Variants in WDR72 observed in about 807,000 individuals in gnomAD.
WDR72 encodes WD repeat domain 72, also known as WD repeat-containing protein 72.
In WDR72, 120 loss-of-function variants were observed where a neutral mutation model predicts 124.2. The ratio of observed to expected loss-of-function variants is 0.97; its 90% confidence interval spans 0.83 to 1.12. The LOEUF (loss-of-function observed/expected upper bound fraction) is 1.12, where lower values mean the gene tolerates loss of function less well. Among genes scored for constraint, WDR72 ranks in the 50% most tolerant of loss-of-function variants. The pLI, the probability that WDR72 is intolerant of heterozygous loss-of-function variation, is 0.00. For synonymous variants in WDR72, 452 were observed against 441.7 expected, an observed-to-expected ratio of 1.02 and a Z score of -0.29; for missense variants, 1,387 against 1,278.8, an observed-to-expected ratio of 1.08 and a Z score of -1.29.
chr15:53,668,803 G>A (rs1333317138), intron 13 of WDR72, among the ~76,000 whole-genome samples: 1 of 29,238 alleles, frequency 3.4e-5, no homozygotes, highest in African/African-American at 5.7e-5. Flanking sequence ...CTACTTGGGG[G>A]GCTGAGGTGG....
intron 14 of WDR72, among the ~76,000 whole-genome samples, chr15:53,626,239 A>G (rs1008903303): frequency 6.6e-6 from 1 of 152,172 alleles, no homozygotes; most frequent in Non-Finnish European, 1.5e-5. Flanking sequence ...GGGCCACGCG[A>G]TGAGTGTTAT....
chr15:53,538,556 C>A (rs1433322363), intron 18 of WDR72, among the ~76,000 whole-genome samples: 1 of 152,082 alleles, frequency 6.6e-6, no homozygotes, highest in Non-Finnish European at 1.5e-5. Flanking sequence ...CACCATAAAA[C>A]CTCATATAAA....
At chr15:53,573,166 T>C (rs1186226001) in intron 18 of WDR72, among the ~76,000 whole-genome samples, 2 of 152,158 alleles carry the variant, frequency 1.3e-5, no homozygotes, top group Non-Finnish European at 2.9e-5. Flanking sequence ...TTAACTTTGT[T>C]CCTCTAAGCT....
At chr15:53,661,202 CT>C (rs1254796295) in intron 14 of WDR72, among the ~76,000 whole-genome samples, 1 of 152,062 alleles carries the variant, frequency 6.6e-6, no homozygotes, top group Non-Finnish European at 1.5e-5. Context: ...TTTTCTGTTG[CT>C]ATAAAGGAAT....
rs777274290 is a variant in WDR72, at chr15:53,699,941, C to G, written c.1574G>C (p.Arg525Thr). ...CACACAGCAAATTATCTGCTCACCC[C>G]TTAGCTGTGAAAAAACAACATGCTT... ...LLMSPEKFKL[R>T]GEQIICCVCG... is the part of the protein sequence containing the mutation. The change falls in exon 13 of 20, where the codon AGG (arginine) becomes ACG (threonine). Residue 525 changes from arginine to threonine, a missense_variant. Coordinates refer to ENST00000360509, the MANE Select transcript of WDR72 (RefSeq NM_182758.4). The G allele has an allele frequency of 6.2e-7, 1 of 1,614,152 alleles. No homozygotes were observed. The highest frequency in any genetic ancestry group is 8.5e-7 in the Non-Finnish European group (1 of 1,180,032).
chr15:53,563,196 T>C (rs1363115925), intron 18 of WDR72, among the ~76,000 whole-genome samples: 2 of 151,766 alleles, frequency 1.3e-5, no homozygotes, highest in Non-Finnish European at 2.9e-5. Flanking sequence ...ATTGAGAGAA[T>C]AGTGTTTACA....
At chr15:53,734,476 T>A (rs2018292558) in intron 1 of WDR72, among the ~76,000 whole-genome samples, 2 of 152,200 alleles carry the variant, frequency 1.3e-5, no homozygotes, top group African/African-American at 4.8e-5. Flanking sequence ...TGGACCTTCT[T>A]CTGCTTCAAA....
At chr15:53,739,588 T>C (rs919541632) in intron 1 of WDR72, among the ~76,000 whole-genome samples, 3 of 152,036 alleles carry the variant, frequency 2.0e-5, no homozygotes, top group Non-Finnish European at 4.4e-5. Flanking sequence ...ACCAGATAAA[T>C]TGGATACAAG....
chr15:53,705,461 TAAAAA>T (rs978501696), intron 10 of WDR72, among the ~76,000 whole-genome samples: 1 of 145,114 alleles, frequency 6.9e-6, no homozygotes, highest in Non-Finnish European at 1.5e-5. Context: ...TGTTTTTAAT[TAAAAA>T]AAAATTTTTT....
chr15:53,677,089 T>G (rs1169050439), intron 13 of WDR72, among the ~76,000 whole-genome samples: 5 of 151,866 alleles, frequency 3.3e-5, no homozygotes, highest in Admixed American at 6.6e-5. Context: ...CCCAGCTAAT[T>G]TTTTGTATTT....
intron 17 of WDR72, among the ~76,000 whole-genome samples, chr15:53,607,935 T>C (rs1214456678): frequency 6.6e-6 from 1 of 152,118 alleles, no homozygotes; most frequent in Non-Finnish European, 1.5e-5. Context: ...ATCAGAGAAA[T>C]GCAAATCAAA....
At chr15:53,614,984 T>A (rs963190743) in intron 15 of WDR72, among the ~76,000 whole-genome samples, 2 of 152,044 alleles carry the variant, frequency 1.3e-5, no homozygotes, top group Non-Finnish European at 2.9e-5. Context: ...TTTTCAAAGT[T>A]TTCCTTCTCT....
At chr15:53,662,179 A>G (rs578066660) in intron 14 of WDR72, among the ~76,000 whole-genome samples, 2 of 152,312 alleles carry the variant, frequency 1.3e-5, no homozygotes, top group African/African-American at 2.4e-5. Flanking sequence ...AGATAAATCT[A>G]AGAAAAGCAG....
intron 18 of WDR72, among the ~76,000 whole-genome samples, chr15:53,530,642 C>G (rs1047575926): frequency 2.6e-5 from 4 of 151,984 alleles, no homozygotes; most frequent in African/African-American, 9.7e-5. Context: ...TTATAGTAAA[C>G]TTCCCAGCTT....
chr15:53,735,900 A>G (rs1028663923), intron 1 of WDR72, among the ~76,000 whole-genome samples: 1 of 152,088 alleles, frequency 6.6e-6, no homozygotes, highest in African/African-American at 2.4e-5. Context: ...AGACTTTTAA[A>G]AGAAACAAAT....
chr15:53,599,447 A>G (rs1013147766), intron 17 of WDR72, among the ~76,000 whole-genome samples: 1 of 152,106 alleles, frequency 6.6e-6, no homozygotes, highest in Non-Finnish European at 1.5e-5. Flanking sequence ...ACAAGCCACA[A>G]ACTTCTCTGA....
intron 18 of WDR72, among the ~76,000 whole-genome samples, chr15:53,568,022 T>C (rs1894363182): frequency 6.7e-6 from 1 of 149,342 alleles, no homozygotes; most frequent in South Asian, 2.2e-4. Flanking sequence ...AGACTATTGA[T>C]TATCTAGGAT....
At chr15:53,762,045 C>T (rs577856995), upstream of WDR72, among the ~76,000 whole-genome samples, 1 of 151,956 alleles carries the variant, frequency 6.6e-6, no homozygotes, top group South Asian at 2.1e-4. Flanking sequence ...TTCTCAGTTA[C>T]ATGACTTTAC....
intron 14 of WDR72, among the ~76,000 whole-genome samples, chr15:53,637,665 C>G (rs1168568289): frequency 1.3e-5 from 2 of 152,106 alleles, no homozygotes; most frequent in Admixed American, 6.6e-5. Context: ...GTGCTTTTCC[C>G]TGTGCCTGTT....
Sources: gnomAD v4.1 joint callset for allele counts (sites outside exome capture counted in the v4.1 genomes callset) on GRCh38, gnomAD v4.1.1 for gene constraint, MANE v1.5 for transcripts, NCBI Gene and HGNC (gene_info 2026-07-23, HGNC 2026-07-21) for gene names.